EYS: variants seen among roughly 807,000 people sequenced by gnomAD.
The protein encoded by EYS is protein eyes shut homolog.
A neutral mutation model predicts 282.1 loss-of-function variants in EYS; 250 were observed. The ratio of observed to expected loss-of-function variants is 0.89; its 90% CI spans 0.80 to 0.98. The LOEUF (loss-of-function observed/expected upper bound fraction) is 0.98. Ranked by LOEUF, EYS falls within the 50% of genes least tolerant of loss-of-function variation. The probability of loss-of-function intolerance (pLI) is 0.00; values close to 1 mark genes in which losing one functional copy is unlikely to be tolerated. For missense variants in EYS, 4,016 were observed against 3,709.0 expected (o/e 1.08, Z -2.15); for synonymous variants, 1,355 against 1,282.9 (o/e 1.06, Z -1.20).
intron 31 of EYS, among the ~76,000 whole-genome samples, chr6:64,187,027 C>T (rs1764966060): frequency 6.6e-6 from 1 of 152,084 alleles, no homozygotes; most frequent in Admixed American, 6.6e-5. Flanking sequence ...TTTTTCCCCT[C>T]TGAAATTATG....
intron 31 of EYS, among the ~76,000 whole-genome samples, chr6:64,205,215 A>T (rs1425418341): frequency 6.6e-6 from 1 of 152,196 alleles, no homozygotes; most frequent in Non-Finnish European, 1.5e-5. Flanking sequence ...AAATTTGCAT[A>T]ATTCTATTTC....
chr6:64,822,671 T>A lies in EYS; in HGVS notation c.3144A>T (p.Ser1048=). The part of the protein sequence containing the change: ...HCETNANDCL[S]NPCLHGRCTE... ...GCTACCTTCCATGTAGACAAGGATTTGAAAGGCAATCATTGGCGTTTGTTT... is the reference window on the plus strand; with the variant it reads ...GCTACCTTCCATGTAGACAAGGATTAGAAAGGCAATCATTGGCGTTTGTTT... Residue 1048 remains serine, a synonymous_variant, in exon 20 of 43, where the codon TCA becomes TCT. Transcript: ENST00000503581. The A allele has an allele frequency of 6.5e-7, 1 of 1,542,774 alleles. No homozygotes were observed. The highest frequency in any genetic ancestry group is 8.7e-7 in the Non-Finnish European group (1 of 1,144,022).
At chr6:63,736,272 A>G (rs1353545357) in intron 41 of EYS, among the ~76,000 whole-genome samples, 2 of 152,210 alleles carry the variant, frequency 1.3e-5, no homozygotes, top group African/African-American at 4.8e-5. Flanking sequence ...TATAAGGTGT[A>G]AGGAAGTGAT....
At position 65,618,324 on chromosome 6, in the gene EYS, T is replaced by G. The variant is rs553545345; in HGVS notation, c.-333+21454A>C. Among the ~76,000 whole-genome samples, 27 of 152,394 alleles carry G rather than the reference T, an allele frequency of 1.8e-4. 1 individual carries two copies. The South Asian group carries it at 3.7e-3, about 21-fold the overall frequency. On this transcript the variant is annotated intron_variant, in intron 2 of 42. Transcript: ENST00000503581. ...GCCAGTGATGGTGAGCATTTTTTCA[T>G]GTGTTTTTCGGCTGCATGAATGTCT... is the stretch of plus-strand genomic sequence containing the variant.
intron 31 of EYS, among the ~76,000 whole-genome samples, chr6:64,113,318 G>A (rs1206088804): frequency 2.0e-5 from 3 of 152,078 alleles, no homozygotes; most frequent in Non-Finnish European, 4.4e-5. Context: ...CAGTGATACT[G>A]GCGTTTGAAT....
chr6:65,321,877 GGAGAAAA>G (rs1769485722), intron 11 of EYS, among the ~76,000 whole-genome samples: 1 of 152,178 alleles, frequency 6.6e-6, no homozygotes, highest in Admixed American at 6.5e-5. Context: ...AGTTAGTGAA[GGAGAAAA>G]GGCTTTAGTA....
intron 36 of EYS, among the ~76,000 whole-genome samples, chr6:63,823,974 A>T (rs1032016701): frequency 5.1e-4 from 77 of 152,242 alleles, no homozygotes; most frequent in African/African-American, 1.7e-3. Context: ...AAAGGAAAGC[A>T]GAATAGATAC....
chr6:64,088,770 C>T (rs1228656755), intron 31 of EYS, among the ~76,000 whole-genome samples: 4 of 151,624 alleles, frequency 2.6e-5, no homozygotes, highest in Non-Finnish European at 5.9e-5. Flanking sequence ...GTATCTTTAC[C>T]CTGAACACAA....
At chr6:65,278,892 T>C (rs1254568596) in intron 12 of EYS, among the ~76,000 whole-genome samples, 1 of 152,092 alleles carries the variant, frequency 6.6e-6, no homozygotes, top group Non-Finnish European at 1.5e-5. Flanking sequence ...AGGTGTTACA[T>C]AATATGATAC....
intron 26 of EYS, among the ~76,000 whole-genome samples, chr6:64,470,117 C>T (rs188594209): frequency 1.3e-5 from 2 of 152,084 alleles, no homozygotes; most frequent in Admixed American, 1.3e-4. Context: ...TCAGCGCAGC[C>T]TGGCATTCAG....
At chr6:64,659,692 G>T (rs1768917894) in intron 22 of EYS, among the ~76,000 whole-genome samples, 1 of 152,122 alleles carries the variant, frequency 6.6e-6, no homozygotes, top group South Asian at 2.1e-4. Context: ...CCAGGAAGAA[G>T]TTGAATCTCT....
chr6:65,066,437 A>T (rs1052799150), intron 12 of EYS, among the ~76,000 whole-genome samples: 1 of 152,108 alleles, frequency 6.6e-6, no homozygotes, highest in Non-Finnish European at 1.5e-5. Context: ...ATGGAAACCC[A>T]TTTTCCTATA....
chr6:64,851,487 A>G (rs1470526802), intron 19 of EYS, among the ~76,000 whole-genome samples: 2 of 152,080 alleles, frequency 1.3e-5, no homozygotes, highest in African/African-American at 4.8e-5. Context: ...AATACTTGGG[A>G]CTTATTGATT....
chr6:63,777,908 G>T, intron 40 of EYS, 98 bp downstream of exon 40: 1 of 1,146,366 alleles, frequency 8.7e-7, no homozygotes, highest in Non-Finnish European at 1.3e-6. Flanking sequence ...ATGTGCATCT[G>T]TTTGTGTTCC....
intron 26 of EYS, among the ~76,000 whole-genome samples, chr6:64,542,878 C>T (rs1025873305): frequency 2.4e-4 from 36 of 152,160 alleles, no homozygotes; most frequent in East Asian, 3.9e-4. Flanking sequence ...GGTTCTAATG[C>T]AAGATTTCTG....
At chr6:64,228,990 A>T (rs192041470) in intron 31 of EYS, among the ~76,000 whole-genome samples, 11 of 152,260 alleles carry the variant, frequency 7.2e-5, no homozygotes, top group Admixed American at 7.2e-4. Flanking sequence ...AAATTAAAAT[A>T]GGCCAGTCAC....
At chr6:65,627,835 T>A (rs1410036028) in intron 2 of EYS, among the ~76,000 whole-genome samples, 1 of 152,172 alleles carries the variant, frequency 6.6e-6, no homozygotes, top group Non-Finnish European at 1.5e-5. Flanking sequence ...ACCCACTCCA[T>A]GGGCTCCTGT....
At chr6:65,602,955 A>G (rs1254811136) in intron 2 of EYS, among the ~76,000 whole-genome samples, 1 of 152,016 alleles carries the variant, frequency 6.6e-6, no homozygotes, top group African/African-American at 2.4e-5. Context: ...AAGGTAAAGT[A>G]GTAGACTGAT....
chr6:63,848,712 C>T (rs983448740), intron 36 of EYS, among the ~76,000 whole-genome samples: 4 of 152,132 alleles, frequency 2.6e-5, no homozygotes, highest in African/African-American at 9.7e-5. Context: ...CTCTCAGGTG[C>T]CTACATCACC....
Sources: allele counts gnomAD v4.1 joint callset (sites outside exome capture counted in the v4.1 genomes callset), GRCh38; gene constraint gnomAD v4.1.1; transcripts MANE v1.5; gene names NCBI Gene and HGNC (gene_info 2026-07-23, HGNC 2026-07-21).